SMAD1: variants seen among roughly 807,000 people sequenced by gnomAD.
SMAD1 encodes MAD, mothers against decapentaplegic homolog 1.
A neutral mutation model predicts 41.6 loss-of-function variants in SMAD1; 6 were observed. That is an observed-to-expected ratio of 0.14 (90% CI 0.08 to 0.28). The LOEUF is 0.28. Ranked by LOEUF, SMAD1 falls within the 10% of genes least tolerant of loss-of-function variation. The pLI is 1.00. For missense variants in SMAD1, 379 were observed against 582.6 expected, an observed-to-expected ratio of 0.65 and a Z score of 3.60; for synonymous variants, 206 against 203.2, an observed-to-expected ratio of 1.01 and a Z score of -0.12.
intron 1 of SMAD1, among the ~76,000 whole-genome samples, chr4:145,512,712 C>G (rs536729739): frequency 2.0e-5 from 3 of 152,136 alleles, no homozygotes; most frequent in Non-Finnish European, 4.4e-5. Context: ...CCCGTTAGGT[C>G]TGTTTCTATT....
At chr4:145,493,046 T>C (rs948189212) in intron 1 of SMAD1, among the ~76,000 whole-genome samples, 7 of 152,190 alleles carry the variant, frequency 4.6e-5, no homozygotes, top group Non-Finnish European at 8.8e-5. Context: ...TGCAAACATT[T>C]TAAAGTTGGA....
intron 1 of SMAD1, among the ~76,000 whole-genome samples, chr4:145,485,551 C>CTTTA (rs1438609487): frequency 6.6e-6 from 1 of 152,168 alleles, no homozygotes; most frequent in Non-Finnish European, 1.5e-5. Flanking sequence ...GCCCCAGGAC[C>CTTTA]TTTACCTCTT....
intron 2 of SMAD1, among the ~76,000 whole-genome samples, chr4:145,517,949 G>C (rs1730519395): frequency 7.9e-6 from 1 of 126,984 alleles, no homozygotes; most frequent in African/African-American, 2.5e-5. Flanking sequence ...AAAACATGGA[G>C]GCTGAGGCTA....
upstream of SMAD1, chr4:145,481,768 G>A: frequency 5.1e-6 from 1 of 196,746 alleles, no homozygotes; most frequent in Non-Finnish European, 1.0e-5. Context: ...CGTGTGAGCG[G>A]GCGGGCGGGC....
chr4:145,492,054 A>C (rs916759692), intron 1 of SMAD1, among the ~76,000 whole-genome samples: 4 of 152,202 alleles, frequency 2.6e-5, no homozygotes, highest in African/African-American at 9.6e-5. Flanking sequence ...TAATTTTACA[A>C]ATTTTTTTAA....
At chr4:145,484,846 C>T (rs1262430314) in intron 1 of SMAD1, 1 of 152,058 alleles carries the variant, frequency 6.6e-6, no homozygotes, top group African/African-American at 2.4e-5. Flanking sequence ...TTTTATTACC[C>T]CTGAATTTTC....
chr4:145,508,080 AT>A (rs35756866), intron 1 of SMAD1, among the ~76,000 whole-genome samples: 48,165 of 138,300 alleles, frequency 0.35, 9,005 homozygotes, highest in Non-Finnish European at 0.47. Context: ...CTTGGTTTAG[AT>A]TTTTTTTTTT....
intron 2 of SMAD1, among the ~76,000 whole-genome samples, chr4:145,537,067 C>T (rs1343739955): frequency 2.0e-5 from 3 of 152,128 alleles, no homozygotes; most frequent in African/African-American, 7.2e-5. Flanking sequence ...CGCTGAAGAA[C>T]TATTCCAGAT....
At chr4:145,540,536 A>T (rs533842147) in intron 3 of SMAD1, among the ~76,000 whole-genome samples, 1 of 152,230 alleles carries the variant, frequency 6.6e-6, no homozygotes, top group Non-Finnish European at 1.5e-5. Context: ...TGATGATGTA[A>T]TCCCAAGAAA....
Position 145,558,088 on chromosome 4 carries a change from AAAAAAAC to A in SMAD1, c.*156_*162del. The A allele has an allele frequency of 2.4e-6, 1 of 412,346 alleles. No homozygotes were observed. Among genetic ancestry groups the A allele is most frequent in the Non-Finnish European group, 4.4e-6 (1 of 227,692 alleles). The allele number at this position is 412,346 out of a possible 1,614,324, so 25.5% of individuals were successfully genotyped here. On this transcript the variant is annotated 3_prime_UTR_variant, in exon 7 of 7. Transcript: ENST00000302085. ...GATTCAGAAATTTAAACAAAAAAAA[AAAAAAAC>A]ACACACACCTTGGTAACATACTGTT...
At chr4:145,522,481 A>G (rs1578786460) in intron 2 of SMAD1, among the ~76,000 whole-genome samples, 1 of 151,576 alleles carries the variant, frequency 6.6e-6, no homozygotes, top group South Asian at 2.1e-4. Context: ...ACGGCCTGTA[A>G]TCCCAGCTCT....
chr4:145,551,489 A>G (rs183291102), intron 5 of SMAD1, among the ~76,000 whole-genome samples: 9 of 152,338 alleles, frequency 5.9e-5, no homozygotes, highest in African/African-American at 1.9e-4. Context: ...GGTTAAAAAT[A>G]TGTCACAAAT....
chr4:145,522,615 A>G (rs1730807923), intron 2 of SMAD1, among the ~76,000 whole-genome samples: 1 of 152,114 alleles, frequency 6.6e-6, no homozygotes, highest in African/African-American at 2.4e-5. Context: ...AAACAAATGG[A>G]AATCTTTAAA....
At chr4:145,538,057 T>C (rs1248741611) in intron 2 of SMAD1, among the ~76,000 whole-genome samples, 2 of 152,164 alleles carry the variant, frequency 1.3e-5, no homozygotes, top group Non-Finnish European at 2.9e-5. Flanking sequence ...TAGGGGCCAA[T>C]GTTTCCCCCT....
intron 6 of SMAD1, among the ~76,000 whole-genome samples, chr4:145,557,393 C>T (rs1732901794): frequency 6.6e-6 from 1 of 152,144 alleles, no homozygotes; most frequent in Non-Finnish European, 1.5e-5. Context: ...GAATGTCATT[C>T]TGTCTAGCAT....
chr4:145,535,461 C>T (rs1366785877), intron 2 of SMAD1, among the ~76,000 whole-genome samples: 2 of 152,100 alleles, frequency 1.3e-5, no homozygotes, highest in African/African-American at 4.8e-5. Flanking sequence ...TGTTAAATCA[C>T]CTTTGGTGTT....
At chr4:145,540,421 A>G (rs921588569) in intron 3 of SMAD1, among the ~76,000 whole-genome samples, 2 of 152,378 alleles carry the variant, frequency 1.3e-5, no homozygotes, top group African/African-American at 2.4e-5. Flanking sequence ...CACAACCTCA[A>G]TCAGCATCGT....
At chr4:145,493,138 G>A (rs1728862813) in intron 1 of SMAD1, among the ~76,000 whole-genome samples, 1 of 152,206 alleles carries the variant, frequency 6.6e-6, no homozygotes, top group African/African-American at 2.4e-5. Flanking sequence ...TCCTTTCTGA[G>A]TGGGTTGTGA....
At chr4:145,481,477 A>T (rs1462564609), upstream of SMAD1, 1 of 152,200 alleles carries the variant, frequency 6.6e-6, no homozygotes, top group Non-Finnish European at 1.5e-5. Context: ...CATTTCAGAA[A>T]ATAAACATAT....
Sources: allele counts gnomAD v4.1 joint callset (sites outside exome capture counted in the v4.1 genomes callset), GRCh38; gene constraint gnomAD v4.1.1; transcripts MANE v1.5; gene names NCBI Gene and HGNC (gene_info 2026-07-23, HGNC 2026-07-21).